The following AMOT variants were observed in gnomAD, a reference collection of about 807,000 sequenced individuals.
AMOT encodes angiomotin.
A neutral mutation model predicts 67.0 loss-of-function variants in AMOT; 11 were observed. That is an observed-to-expected ratio of 0.16 (90% CI 0.10 to 0.27). The LOEUF is 0.27. Among genes scored for constraint, AMOT ranks in the 10% least tolerant of loss-of-function variants. AMOT has a pLI of 1.00. For missense variants in AMOT, 753 were observed against 852.0 expected (o/e 0.88, Z 1.45); for synonymous variants, 326 against 321.4 (o/e 1.01, Z -0.15).
intron 10 of AMOT, among the ~76,000 whole-genome samples, chrX:112,784,116 A>G (rs1427050521): frequency 8.9e-6 from 1 of 112,336 alleles, no homozygotes; most frequent in Non-Finnish European, 1.9e-5. Context: ...AATGGCTTTC[A>G]TCATTTGCCA....
intron 8 of AMOT, among the ~76,000 whole-genome samples, chrX:112,796,869 G>A (rs1405888181): frequency 9.0e-6 from 1 of 111,567 alleles, no homozygotes; most frequent in Non-Finnish European, 1.9e-5. Flanking sequence ...CTGGCATTTG[G>A]TGACTAAAAG....
At chrX:112,787,943 C>T (rs1933424861) in intron 10 of AMOT, among the ~76,000 whole-genome samples, 2 of 111,694 alleles carry the variant, frequency 1.8e-5, no homozygotes, top group African/African-American at 6.5e-5. Flanking sequence ...TTCCTTCCTT[C>T]CTCAAATACA....
chrX:112,799,921 G>A (rs751911924), intron 8 of AMOT, among the ~76,000 whole-genome samples: 2 of 111,816 alleles, frequency 1.8e-5, no homozygotes, highest in Admixed American at 9.5e-5. Context: ...AACACATTGG[G>A]TGGAAAAACA....
chrX:112,805,735 TAAAAGATAATACACTAAAACTGG>T (rs1482832243), intron 7 of AMOT, among the ~76,000 whole-genome samples: 1 of 111,717 alleles, frequency 9.0e-6, no homozygotes, highest in East Asian at 2.8e-4. Flanking sequence ...CAATGTCTTT[TAAAAGATAATACACTAAAACTGG>T]AAGCCATGTT....
intron 6 of AMOT, 84 bp from the exon 7 acceptor site, chrX:112,810,070 G>A (rs754099089): frequency 1.8e-5 from 14 of 761,330 alleles, no homozygotes; most frequent in Non-Finnish European, 2.5e-5. Context: ...CTGACCTTTG[G>A]TAAAACAAGC....
At chrX:112,792,089 T>C (rs1302594570) in intron 8 of AMOT, 108 bp from the exon 9 acceptor site, 37 of 960,000 alleles carry the variant, frequency 3.9e-5, no homozygotes, top group Non-Finnish European at 4.9e-5. Context: ...TCTTCTTGTT[T>C]TAGAGTCCAG....
Position 112,776,513 on chromosome X carries a change from A to G in AMOT, c.*2054T>C, listed in dbSNP as rs1932943287. 1.8e-5 allele frequency: 2 copies of G among 111,800 alleles called. No individual in the cohort carries two copies. Among genetic ancestry groups the G allele is most frequent in the South Asian group, 7.5e-4 (2 of 2,660 alleles). The allele number at this position is 111,800 out of a possible 1,213,427, so 9.2% of individuals were successfully genotyped here. ...GTAACATGATTACCTCATTATTGAAAATGTGAAAGGACTAGCTGAAAATCA... is the reference window on the plus strand; with the variant it reads ...GTAACATGATTACCTCATTATTGAAGATGTGAAAGGACTAGCTGAAAATCA... On this transcript the variant is annotated 3_prime_UTR_variant, in exon 14 of 14. Transcript: ENST00000371959.
At chrX:112,799,925 A>G (rs746152961) in intron 8 of AMOT, among the ~76,000 whole-genome samples, 27 of 111,944 alleles carry the variant, frequency 2.4e-4, no homozygotes, top group Non-Finnish European at 5.1e-4. Flanking sequence ...CATTGGGTGG[A>G]AAAACACCTA....
chrX:112,834,886 CTTA>C (rs1935094694), intron 1 of AMOT, among the ~76,000 whole-genome samples: 1 of 112,500 alleles, frequency 8.9e-6, no homozygotes, highest in Admixed American at 9.4e-5. Flanking sequence ...CTAGAGTCCT[CTTA>C]TTTGTACCTC....
chrX:112,823,354 A>G (rs1934762972), intron 3 of AMOT, among the ~76,000 whole-genome samples, 166 bp from the exon 4 acceptor site: 1 of 112,024 alleles, frequency 8.9e-6, no homozygotes, highest in African/African-American at 3.3e-5. Flanking sequence ...TAGCACTGAT[A>G]TGATGAAGAA....
chrX:112,837,210 T>C (rs1049605595), intron 1 of AMOT, among the ~76,000 whole-genome samples: 8 of 112,532 alleles, frequency 7.1e-5, no homozygotes, highest in African/African-American at 2.6e-4. Flanking sequence ...AGAGCTAACG[T>C]GGCCAGCATT....
chrX:112,808,027 C>T (rs1026797601), intron 7 of AMOT, among the ~76,000 whole-genome samples: 6 of 111,881 alleles, frequency 5.4e-5, no homozygotes, highest in Non-Finnish European at 1.1e-4. Context: ...CAAGTAGTTT[C>T]GATTTTTTGG....
At chrX:112,815,043 G>A (rs1210588598) in intron 5 of AMOT, among the ~76,000 whole-genome samples, 1 of 112,187 alleles carries the variant, frequency 8.9e-6, no homozygotes, top group Non-Finnish European at 1.9e-5. Flanking sequence ...GGCATCACCA[G>A]TATTCTTATC....
intron 2 of AMOT, among the ~76,000 whole-genome samples, chrX:112,832,055 G>A (rs776600517): frequency 2.7e-5 from 3 of 111,308 alleles, no homozygotes; most frequent in East Asian, 2.8e-4. Context: ...ACTATTACGG[G>A]TTGAGCCAGA....
intron 12 of AMOT, among the ~76,000 whole-genome samples, chrX:112,780,155 G>A (rs930387946): frequency 1.8e-5 from 2 of 112,303 alleles, no homozygotes; most frequent in African/African-American, 6.5e-5. Flanking sequence ...CAGATTGAGT[G>A]TGGTAATAAT....
intron 8 of AMOT, among the ~76,000 whole-genome samples, chrX:112,800,025 G>A (rs1933961812): frequency 9.0e-6 from 1 of 111,305 alleles, no homozygotes; most frequent in Non-Finnish European, 1.9e-5. Flanking sequence ...TTGAAGTCAG[G>A]AGTTCGAGAA....
chrX:112,827,839 T>C (rs1245725778), intron 2 of AMOT, among the ~76,000 whole-genome samples: 1 of 111,750 alleles, frequency 8.9e-6, no homozygotes, highest in Non-Finnish European at 1.9e-5. Flanking sequence ...AGATCTTCTT[T>C]CTATCCCCTC....
Position 112,823,157 on chromosome X carries a change from G to C in AMOT, c.-31C>G. On this transcript the variant is annotated 5_prime_UTR_variant, in exon 4 of 14. Transcript: ENST00000371959. ...TTGCTGGTGGTGCCTTGTGAAGAGA[G>C]AGAGAAATTGGGCACCTGGGCTGCC... 2 of 1,127,997 alleles carry C rather than the reference G, an allele frequency of 1.8e-6. No homozygotes were observed. The highest frequency in any genetic ancestry group is 2.3e-6 in the Non-Finnish European group (2 of 851,806). 93.0% of individuals were successfully genotyped at this position (1,127,997 alleles called of 1,213,427 possible).
chrX:112,831,949 C>T (rs960034097), intron 2 of AMOT, among the ~76,000 whole-genome samples: 1 of 111,183 alleles, frequency 9.0e-6, no homozygotes, highest in South Asian at 3.8e-4. Flanking sequence ...CCTTGCAATA[C>T]ACAGCTCCAG....
Sources: allele counts gnomAD v4.1 joint callset (sites outside exome capture counted in the v4.1 genomes callset), GRCh38; gene constraint gnomAD v4.1.1; transcripts MANE v1.5; gene names NCBI Gene and HGNC (gene_info 2026-07-23, HGNC 2026-07-21).